Variants in CRACD observed in about 807,000 individuals in gnomAD.
CRACD encodes the protein capping protein-inhibiting regulator of actin dynamics.
In CRACD, 56 loss-of-function variants were observed where a neutral mutation model predicts 106.8. The ratio of observed to expected loss-of-function variants is 0.52; its 90% CI spans 0.42 to 0.66. CRACD has a LOEUF of 0.66. CRACD is among the 30% of genes least tolerant of loss of function. CRACD has a pLI of 0.00. For synonymous variants in CRACD, 754 were observed against 670.8 expected (o/e 1.12, Z -1.92); for missense variants, 1,730 against 1,623.2 (o/e 1.07, Z -1.13).
At chr4:56,080,042 A>G (rs908762590) in intron 1 of CRACD, among the ~76,000 whole-genome samples, 3 of 152,178 alleles carry the variant, frequency 2.0e-5, no homozygotes, top group African/African-American at 7.2e-5. Context: ...TTTCAGAACA[A>G]TGTTAAAAGA....
At chr4:56,073,908 G>A (rs1420782165) in intron 1 of CRACD, among the ~76,000 whole-genome samples, 1 of 152,090 alleles carries the variant, frequency 6.6e-6, no homozygotes, top group African/African-American at 2.4e-5. Flanking sequence ...TCCAGTTTCA[G>A]TTTTCTGCAT....
intron 1 of CRACD, among the ~76,000 whole-genome samples, chr4:56,062,982 A>G (rs1732333026): frequency 6.6e-6 from 1 of 152,210 alleles, no homozygotes; most frequent in Non-Finnish European, 1.5e-5. Flanking sequence ...TCTTTTTAAA[A>G]TTAAATTCTC....
At chr4:56,327,303 T>C (rs1746511664) in intron 10 of CRACD, among the ~76,000 whole-genome samples, 1 of 152,124 alleles carries the variant, frequency 6.6e-6, no homozygotes, top group Admixed American at 6.5e-5. Flanking sequence ...TTTTTCAGTC[T>C]CACACTTCTG....
intron 10 of CRACD, among the ~76,000 whole-genome samples, chr4:56,326,702 G>A (rs1024986461): frequency 2.0e-5 from 3 of 151,884 alleles, no homozygotes; most frequent in Non-Finnish European, 4.4e-5. Flanking sequence ...GAGACTCAGA[G>A]GTAGAGGCAC....
At chr4:56,049,653 G>A (rs933290738) in intron 1 of CRACD, among the ~76,000 whole-genome samples, 6 of 152,112 alleles carry the variant, frequency 3.9e-5, no homozygotes, top group African/African-American at 1.4e-4. Flanking sequence ...GCTCGGTCCC[G>A]ACCGCGGCAA....
chr4:56,083,868 T>C (rs1469728566), intron 1 of CRACD, among the ~76,000 whole-genome samples: 1 of 152,110 alleles, frequency 6.6e-6, no homozygotes, highest in Non-Finnish European at 1.5e-5. Context: ...TCCCAGCTAC[T>C]CTGGAGGCTG....
chr4:56,200,785 G>A (rs974688707), intron 2 of CRACD, among the ~76,000 whole-genome samples: 5 of 152,110 alleles, frequency 3.3e-5, no homozygotes, highest in African/African-American at 1.2e-4. Flanking sequence ...GCACAGTGTA[G>A]TATTTTACTT....
In CRACD at chr4:56,307,558, G is replaced by C. The variant is rs1744815413; in HGVS notation, c.144G>C (p.Lys48Asn). ...TLQQQLGKNIKFGQRSPNAIP... is the reference protein window; with the variant it reads ...TLQQQLGKNINFGQRSPNAIP... ...AGCAACAGTTGGGCAAGAATATCAAGTTTGGGCAGCGGTCACCCAATGCCA... is the reference window on the plus strand; with the variant it reads ...AGCAACAGTTGGGCAAGAATATCAACTTTGGGCAGCGGTCACCCAATGCCA... Residue 48 changes from lysine (K) to asparagine (N), a missense_variant, in exon 5 of 11, where the codon AAG (lysine) becomes AAC (asparagine). Physicochemically the swap from Lys to Asn is moderately conservative, Grantham distance 94. Coordinates refer to ENST00000682029, the MANE Select transcript of CRACD (RefSeq NM_001393381.1). 6.2e-7 allele frequency: 1 copy of C among 1,614,178 alleles called. No homozygotes were observed. Among genetic ancestry groups the C allele is most frequent in the Non-Finnish European group, 8.5e-7 (1 of 1,180,034 alleles).
intron 1 of CRACD, among the ~76,000 whole-genome samples, chr4:56,153,037 G>C (rs1330378114): frequency 2.0e-5 from 3 of 152,090 alleles, no homozygotes; most frequent in Admixed American, 2.0e-4. Flanking sequence ...CCAGCACTTT[G>C]GGAGGCTGAG....
At chr4:56,239,058 C>T (rs576576407) in intron 2 of CRACD, among the ~76,000 whole-genome samples, 14 of 152,162 alleles carry the variant, frequency 9.2e-5, no homozygotes, top group African/African-American at 2.2e-4. Context: ...TTTGGGAGGC[C>T]GAGGCGGGCA....
chr4:56,219,624 G>A (rs1034374420), intron 2 of CRACD, among the ~76,000 whole-genome samples: 1 of 152,176 alleles, frequency 6.6e-6, no homozygotes, highest in Admixed American at 6.5e-5. Flanking sequence ...CCAAAGTGCT[G>A]TGATTACAGG....
chr4:56,324,394 C>T (rs1267898922), intron 10 of CRACD, 128 bp downstream of exon 10: 4 of 831,960 alleles, frequency 4.8e-6, no homozygotes, highest in Non-Finnish European at 7.2e-6. Flanking sequence ...TATCTGATAA[C>T]CTCATTCATA....
chr4:56,265,633 T>C (rs935033254), intron 2 of CRACD, among the ~76,000 whole-genome samples: 1 of 152,148 alleles, frequency 6.6e-6, no homozygotes, highest in Admixed American at 6.6e-5. Flanking sequence ...TCTGCTCTTT[T>C]GGAGAGCAAA....
chr4:56,289,796 G>A (rs973382110), intron 3 of CRACD, among the ~76,000 whole-genome samples: 4 of 152,060 alleles, frequency 2.6e-5, no homozygotes, highest in African/African-American at 9.7e-5. Flanking sequence ...TCGTGATCTA[G>A]CAGCCACCAT....
At chr4:56,299,578 G>A (rs1744246625) in intron 4 of CRACD, among the ~76,000 whole-genome samples, 1 of 152,018 alleles carries the variant, frequency 6.6e-6, no homozygotes, top group Non-Finnish European at 1.5e-5. Flanking sequence ...GCTGAGGTGG[G>A]AGGATGGCTT....
At chr4:56,280,464 C>T (rs1197263210) in intron 3 of CRACD, among the ~76,000 whole-genome samples, 1 of 152,186 alleles carries the variant, frequency 6.6e-6, no homozygotes. Context: ...CTTAGGAGAG[C>T]AAGCTTTCTT....
intron 1 of CRACD, among the ~76,000 whole-genome samples, chr4:56,122,200 C>T (rs1473419166): frequency 6.6e-6 from 1 of 151,412 alleles, no homozygotes; most frequent in Non-Finnish European, 1.5e-5. Flanking sequence ...AAAAAATGTC[C>T]TTGTATTGTG....
intron 2 of CRACD, among the ~76,000 whole-genome samples, chr4:56,244,054 G>A (rs2109569596): frequency 6.6e-6 from 1 of 152,250 alleles, no homozygotes; most frequent in East Asian, 1.9e-4. Flanking sequence ...CTGGGAGACA[G>A]GAGGATTGTC....
At chr4:56,111,002 G>C (rs1734103591) in intron 1 of CRACD, among the ~76,000 whole-genome samples, 1 of 152,166 alleles carries the variant, frequency 6.6e-6, no homozygotes, top group Non-Finnish European at 1.5e-5. Flanking sequence ...GGTGCAGTTT[G>C]GGTGGAAAGA....
Sources: allele counts gnomAD v4.1 joint callset (sites outside exome capture counted in the v4.1 genomes callset), GRCh38; gene constraint gnomAD v4.1.1; transcripts MANE v1.5; gene names NCBI Gene and HGNC (gene_info 2026-07-23, HGNC 2026-07-21).